The following C2orf66 variants were observed in gnomAD, a reference collection of about 807,000 sequenced individuals.
C2orf66 encodes the protein chromosome 2 open reading frame 66.
C2orf66 carries 6 observed loss-of-function variants against 7.0 expected under a neutral mutation model. The observed-to-expected ratio is 0.86, with a 90% CI of 0.47 to 1.69. C2orf66 has a LOEUF of 1.69. Ranked by LOEUF, C2orf66 falls within the 40% of genes most tolerant of loss-of-function variation. The pLI, the probability that C2orf66 is intolerant of heterozygous loss-of-function variation, is 0.01. For synonymous variants in C2orf66, 38 were observed against 43.8 expected (o/e 0.87, Z 0.52); for missense variants, 107 against 112.0 (o/e 0.96, Z 0.20).
At chr2:196,830,109 C>A in the C2orf66 span, among the ~76,000 whole-genome samples, 1 of 152,280 alleles carries the variant, frequency 6.6e-6, no homozygotes, top group East Asian at 1.9e-4. Flanking sequence ...CTAAAACTCT[C>A]AAATTATTGT....
upstream of C2orf66, among the ~76,000 whole-genome samples, chr2:196,811,813 G>A (rs999319018): frequency 2.0e-5 from 3 of 152,138 alleles, no homozygotes; most frequent in Non-Finnish European, 4.4e-5. Context: ...AGGAAAAAAG[G>A]GGGCCAAAAA....
At chr2:196,805,431 T>C (rs1009186370) in intron 2 of C2orf66, 23 bp from the exon 3 acceptor site, 1 of 152,216 alleles carries the variant, frequency 6.6e-6, no homozygotes, top group African/African-American at 2.4e-5. Flanking sequence ...GACAATGTTA[T>C]AATTAAATAG....
rs1576048226 is a variant in C2orf66, at chr2:196,807,450, T to C, written c.296A>G (p.Lys99Arg). 1.2e-6 allele frequency: 2 copies of C among 1,607,082 alleles called. No homozygotes were observed. Among genetic ancestry groups the C allele is most frequent in the Non-Finnish European group, 1.7e-6 (2 of 1,177,894 alleles). Residue 99 changes from lysine to arginine, a missense_variant, in exon 2 of 3, where the codon AAA becomes AGA. Physicochemically the swap from Lys to Arg is conservative, Grantham distance 26. Coordinates refer to ENST00000342506, the MANE Select transcript of C2orf66 (RefSeq NM_213608.3). The stretch of plus-strand genomic sequence containing the variant: ...TGAGCTCAGAAGAAACTTTCAGCCT[T>C]TGAGATAATTGTGAAAGGAGTTTTT... ...EQKNSFHNYL[K>R]G
chr2:196,816,843 T>G, the C2orf66 span, among the ~76,000 whole-genome samples: 1 of 152,218 alleles, frequency 6.6e-6, no homozygotes, highest in Non-Finnish European at 1.5e-5. Context: ...CCCACCCCCA[T>G]ATTTCAATGT....
At chr2:196,831,927 G>A in the C2orf66 span, 1 of 151,992 alleles carries the variant, frequency 6.6e-6, no homozygotes, top group African/African-American at 2.4e-5. Context: ...TTCACTTATC[G>A]TGGCCTTTTG....
At chr2:196,819,395 T>C in the C2orf66 span, among the ~76,000 whole-genome samples, 1 of 152,156 alleles carries the variant, frequency 6.6e-6, no homozygotes, top group Non-Finnish European at 1.5e-5. Flanking sequence ...CCTGCCCTTT[T>C]TCTGCCACGT....
the C2orf66 span, among the ~76,000 whole-genome samples, chr2:196,825,152 C>T: frequency 4.8e-5 from 7 of 147,348 alleles, no homozygotes; most frequent in African/African-American, 1.3e-4. Context: ...AAGAAGTGCT[C>T]GAACCCAGGA....
At chr2:196,813,819 A>G (rs1699898692), upstream of C2orf66, among the ~76,000 whole-genome samples, 1 of 152,246 alleles carries the variant, frequency 6.6e-6, no homozygotes, top group African/African-American at 2.4e-5. Context: ...AAACACGAAA[A>G]AAAGCTCATC....
the C2orf66 span, among the ~76,000 whole-genome samples, chr2:196,825,784 A>G: frequency 1.3e-5 from 2 of 152,318 alleles, no homozygotes; most frequent in South Asian, 4.1e-4. Context: ...ATGGATTGAC[A>G]CTAATGCTCT....
the C2orf66 span, among the ~76,000 whole-genome samples, chr2:196,828,289 G>C: frequency 6.9e-6 from 1 of 145,692 alleles, no homozygotes; most frequent in South Asian, 2.2e-4. Context: ...AAGCAACCTA[G>C]CAACCTAGGG....
At position 196,807,522 on chromosome 2, in the gene C2orf66, A is replaced by G. The variant is rs771762300; in HGVS notation, c.224T>C (p.Phe75Ser). The change falls in exon 2 of 3, where the codon TTC (phenylalanine) becomes TCC (serine). Residue 75 changes from phenylalanine (F) to serine (S), a missense_variant. Coordinates refer to ENST00000342506, the MANE Select transcript of C2orf66 (RefSeq NM_213608.3). ...TGCAGAAGCAGTAAGTTCTGACTGG[A>G]AAGAGAGAGGTCTAGGATTTTCATT... ...PTNENPRPLS[F>S]QSELTASASA... 1 of 1,613,716 alleles carries G rather than the reference A, an allele frequency of 6.2e-7. No homozygotes were observed. The highest frequency in any genetic ancestry group is 8.5e-7 in the Non-Finnish European group (1 of 1,179,694).
the C2orf66 span, among the ~76,000 whole-genome samples, chr2:196,830,255 T>G: frequency 2.0e-5 from 3 of 152,268 alleles, no homozygotes; most frequent in South Asian, 4.2e-4. Context: ...GTTAAAAAAA[T>G]TCCAGGCCCC....
the C2orf66 span, among the ~76,000 whole-genome samples, chr2:196,830,374 T>A: frequency 6.6e-6 from 1 of 152,192 alleles, no homozygotes; most frequent in Non-Finnish European, 1.5e-5. Context: ...GTGAGAAACA[T>A]GCTCAGCCGT....
the C2orf66 span, chr2:196,832,057 T>A: frequency 6.6e-6 from 1 of 151,988 alleles, no homozygotes; most frequent in Non-Finnish European, 1.5e-5. Flanking sequence ...CAAGTTAGCA[T>A]AAGAAATGTG....
chr2:196,807,387 T>C (rs1412046104), intron 2 of C2orf66, 37 bp downstream of exon 2: 2 of 1,205,388 alleles, frequency 1.7e-6, no homozygotes, highest in African/African-American at 1.5e-5. Flanking sequence ...CTGACTTGTA[T>C]GTTTGGACAG....
chr2:196,821,277 C>CA, the C2orf66 span, among the ~76,000 whole-genome samples: 4 of 152,252 alleles, frequency 2.6e-5, no homozygotes, highest in Non-Finnish European at 5.9e-5. Flanking sequence ...TTCTGGCCTT[C>CA]AAAACTGTGA....
chr2:196,814,735 G>C, the C2orf66 span, among the ~76,000 whole-genome samples: 1 of 152,018 alleles, frequency 6.6e-6, no homozygotes, highest in Non-Finnish European at 1.5e-5. Flanking sequence ...AATTACAACA[G>C]ATTTTCATAG....
the C2orf66 span, among the ~76,000 whole-genome samples, chr2:196,828,195 C>A: frequency 2.0e-5 from 3 of 147,812 alleles, no homozygotes; most frequent in African/African-American, 7.4e-5. Context: ...AAATCCATTT[C>A]TAGACGAATC....
At chr2:196,823,230 G>A in the C2orf66 span, among the ~76,000 whole-genome samples, 1 of 152,172 alleles carries the variant, frequency 6.6e-6, no homozygotes, top group Non-Finnish European at 1.5e-5. Context: ...CAAGTAAGAA[G>A]TTGCCAAAAT....
Sources: gnomAD v4.1 joint callset for allele counts (sites outside exome capture counted in the v4.1 genomes callset) on GRCh38, gnomAD v4.1.1 for gene constraint, MANE v1.5 for transcripts, NCBI Gene and HGNC (gene_info 2026-07-23, HGNC 2026-07-21) for gene names.